LINGO2: variants seen among roughly 807,000 people sequenced by gnomAD.
LINGO2 encodes the protein leucine-rich repeat and immunoglobulin-like domain-containing nogo receptor-interacting protein 2.
Under a neutral mutation model 30.6 loss-of-function variants are expected in LINGO2, and 14 were observed. The ratio of observed to expected loss-of-function variants is 0.46; its 90% CI spans 0.30 to 0.72. The LOEUF is 0.72. Among genes scored for constraint, LINGO2 ranks in the 30% least tolerant of loss-of-function variants. The pLI, the probability that LINGO2 is intolerant of heterozygous loss-of-function variation, is 0.07. For missense variants in LINGO2, 729 were observed against 751.7 expected (o/e 0.97, Z 0.35); for synonymous variants, 317 against 288.5 (o/e 1.10, Z -1.00).
chr9:28,164,052 C>A (rs1828360342), intron 4 of LINGO2, among the ~76,000 whole-genome samples: 1 of 152,070 alleles, frequency 6.6e-6, no homozygotes, highest in African/African-American at 2.4e-5. Flanking sequence ...TAAATTTTCT[C>A]TAAATATTGG....
Position 28,000,047 on chromosome 9 carries a change from G to C in LINGO2, c.-36+12308C>G, listed in dbSNP as rs571606574. 2.6e-5 allele frequency among the ~76,000 whole-genome samples: 4 copies of C among 152,246 alleles called. No individual in the cohort carries two copies. In the South Asian group the frequency reaches 8.3e-4, roughly 32 times the overall value. ...ATTGTTTTCTAAAACCTCTTTCTCA[G>C]ATATGCAACAATGATGTGACATTGA... On this transcript the variant is annotated intron_variant, in intron 5 of 5. Transcript: ENST00000379992.
chr9:28,229,176 T>G, intron 4 of LINGO2, among the ~76,000 whole-genome samples: 1 of 151,720 alleles, frequency 6.6e-6, no homozygotes, highest in East Asian at 1.9e-4. Context: ...GATGGGAAAA[T>G]AAAAACATGC....
intron 4 of LINGO2, among the ~76,000 whole-genome samples, chr9:28,074,046 T>G (rs2133187640): frequency 6.6e-6 from 1 of 152,290 alleles, no homozygotes; most frequent in Non-Finnish European, 1.5e-5. Flanking sequence ...AGGACTCACA[T>G]TCTTTCCTGG....
Position 27,991,829 on chromosome 9 carries a change from C to T in LINGO2, c.-36+20526G>A, listed in dbSNP as rs10968256. The stretch of plus-strand genomic sequence containing the variant: ...TTTGCATTGTTTTGTGAGAAATAGG[C>T]AGTCATATTAAAATATTATATGTTT... On this transcript the variant is annotated intron_variant, in intron 5 of 5. Coordinates refer to ENST00000379992, the Ensembl canonical transcript of LINGO2. Among the ~76,000 whole-genome samples, 1,193 of 152,124 alleles carry T rather than the reference C, an allele frequency of 7.8e-3. 94 individuals are homozygous for T. In the East Asian group the frequency reaches 0.17, roughly 21 times the overall value.
chr9:28,954,099 A>G, the LINGO2 span, among the ~76,000 whole-genome samples: 1 of 152,186 alleles, frequency 6.6e-6, no homozygotes, highest in African/African-American at 2.4e-5. Context: ...TTTTACTTCA[A>G]AGCTCAAACT....
chr9:28,468,335 G>A (rs1367367169), intron 2 of LINGO2, among the ~76,000 whole-genome samples: 1 of 152,146 alleles, frequency 6.6e-6, no homozygotes, highest in Non-Finnish European at 1.5e-5. Flanking sequence ...ACCAGTGTGA[G>A]CACTGCCAAG....
chr9:28,458,262 T>C (rs1173548282), intron 2 of LINGO2, among the ~76,000 whole-genome samples: 1 of 152,214 alleles, frequency 6.6e-6, no homozygotes, highest in Non-Finnish European at 1.5e-5. Flanking sequence ...TAATGAAGGA[T>C]GATTTCTGCA....
chr9:28,681,605 G>C, the LINGO2 span, among the ~76,000 whole-genome samples: 33 of 152,014 alleles, frequency 2.2e-4, no homozygotes, highest in African/African-American at 7.7e-4. Context: ...GGGACAGCTG[G>C]CTCCTGGAAC....
the LINGO2 span, among the ~76,000 whole-genome samples, chr9:28,874,294 G>A: frequency 1.3e-5 from 2 of 151,948 alleles, no homozygotes; most frequent in African/African-American, 4.8e-5. Context: ...GTGGTTCTAC[G>A]TAAGTGATAT....
chr9:28,174,243 T>A (rs539232964), intron 4 of LINGO2, among the ~76,000 whole-genome samples: 1 of 152,332 alleles, frequency 6.6e-6, no homozygotes, highest in South Asian at 2.1e-4. Context: ...TAAGCTTCTA[T>A]TTCTGCATTA....
chr9:28,360,669 T>C (rs1820404484), intron 3 of LINGO2, among the ~76,000 whole-genome samples: 1 of 152,234 alleles, frequency 6.6e-6, no homozygotes, highest in South Asian at 2.1e-4. Flanking sequence ...ATTTTCCTTA[T>C]ACATGCATGC....
At chr9:28,935,573 G>C in the LINGO2 span, among the ~76,000 whole-genome samples, 6 of 151,768 alleles carry the variant, frequency 4.0e-5, no homozygotes, top group African/African-American at 1.2e-4. Context: ...TATACATAGT[G>C]ATTGGGAGTC....
intron 1 of LINGO2, among the ~76,000 whole-genome samples, chr9:28,669,688 A>G (rs1828941004): frequency 6.6e-6 from 1 of 152,016 alleles, no homozygotes; most frequent in Non-Finnish European, 1.5e-5. Context: ...AAGCCACCGT[A>G]AGGGCCATTA....
the LINGO2 span, among the ~76,000 whole-genome samples, chr9:29,145,736 GTGTAA>G: frequency 6.6e-6 from 1 of 152,258 alleles, no homozygotes; most frequent in African/African-American, 2.4e-5. Flanking sequence ...GCATATGAAA[GTGTAA>G]TGTAAATTCC....
intron 2 of LINGO2, among the ~76,000 whole-genome samples, chr9:28,418,128 A>G (rs1006402931): frequency 2.6e-5 from 4 of 152,136 alleles, no homozygotes; most frequent in African/African-American, 9.7e-5. Context: ...ATTTATTTAG[A>G]CTTCCTAATT....
At chr9:28,226,622 AGAAGGAAAGAAGGAAAGAAG>A (rs1179326001) in intron 4 of LINGO2, among the ~76,000 whole-genome samples, 4 of 89,044 alleles carry the variant, frequency 4.5e-5, no homozygotes, top group African/African-American at 1.6e-4. Context: ...TAAGAAGGAA[AGAAGGAAAGAAGGAAAGAAG>A]GAAAGAAAGA....
intron 4 of LINGO2, among the ~76,000 whole-genome samples, chr9:28,267,017 G>T (rs1287796367): frequency 6.6e-6 from 1 of 152,018 alleles, no homozygotes; most frequent in Non-Finnish European, 1.5e-5. Context: ...GTTCCAGGGT[G>T]CAGGGAGAAA....
the LINGO2 span, among the ~76,000 whole-genome samples, chr9:29,022,943 T>A: frequency 6.7e-6 from 1 of 149,422 alleles, no homozygotes; most frequent in Admixed American, 6.8e-5. Flanking sequence ...ACTCAAATAG[T>A]GAACCAAACA....
At chr9:28,562,168 A>C (rs2135555195) in intron 1 of LINGO2, among the ~76,000 whole-genome samples, 1 of 152,108 alleles carries the variant, frequency 6.6e-6, no homozygotes, top group African/African-American at 2.4e-5. Context: ...AACCAAGCTA[A>C]GATGATTGGT....
Sources: allele counts gnomAD v4.1 joint callset (sites outside exome capture counted in the v4.1 genomes callset), GRCh38; gene constraint gnomAD v4.1.1; transcripts MANE v1.5; gene names NCBI Gene and HGNC (gene_info 2026-07-23, HGNC 2026-07-21).